CCSER1: variants seen among roughly 807,000 people sequenced by gnomAD.
The protein encoded by CCSER1 is coiled-coil serine rich protein 1.
Under a neutral mutation model 82.0 loss-of-function variants are expected in CCSER1, and 41 were observed. That is an observed-to-expected ratio of 0.50 (90% confidence interval 0.39 to 0.65). CCSER1 has a LOEUF of 0.65. Ranked by LOEUF, CCSER1 falls within the 30% of genes least tolerant of loss-of-function variation. The pLI, the probability that CCSER1 is intolerant of heterozygous loss-of-function variation, is 0.00. For synonymous variants in CCSER1, 414 were observed against 383.9 expected, an observed-to-expected ratio of 1.08 and a Z score of -0.92; for missense variants, 1,119 against 1,064.2, an observed-to-expected ratio of 1.05 and a Z score of -0.72.
At chr4:90,592,806 C>T (rs1274840451) in intron 5 of CCSER1, among the ~76,000 whole-genome samples, 1 of 152,066 alleles carries the variant, frequency 6.6e-6, no homozygotes, top group Admixed American at 6.6e-5. Context: ...TCTCTCCATA[C>T]TGGGCTATGT....
chr4:90,385,895 T>C (rs1020096287), intron 3 of CCSER1, among the ~76,000 whole-genome samples: 11 of 152,168 alleles, frequency 7.2e-5, no homozygotes, highest in African/African-American at 2.7e-4. Context: ...TAGTCCTTTT[T>C]CAGATGTATC....
intron 10 of CCSER1, among the ~76,000 whole-genome samples, chr4:91,254,949 C>T (rs1740563477): frequency 6.6e-6 from 1 of 152,078 alleles, no homozygotes; most frequent in Admixed American, 6.5e-5. Flanking sequence ...AACCATCATT[C>T]TATTATCTCT....
intron 7 of CCSER1, among the ~76,000 whole-genome samples, chr4:90,757,513 T>G (rs62313011): frequency 6.6e-6 from 1 of 152,038 alleles, no homozygotes; most frequent in Non-Finnish European, 1.5e-5. Context: ...TATTGGGCCT[T>G]GTACAGGAGC....
intron 10 of CCSER1, among the ~76,000 whole-genome samples, chr4:91,224,947 A>G (rs1249077059): frequency 6.6e-6 from 1 of 151,648 alleles, no homozygotes; most frequent in Non-Finnish European, 1.5e-5. Flanking sequence ...AATATTAAAT[A>G]TCTGCAAATT....
At chr4:90,534,168 T>C (rs938132635) in intron 5 of CCSER1, among the ~76,000 whole-genome samples, 10 of 152,218 alleles carry the variant, frequency 6.6e-5, no homozygotes, top group African/African-American at 1.9e-4. Flanking sequence ...CTCGCTCTGT[T>C]GCCCAGGCTG....
chr4:91,093,182 T>C (rs974891237), intron 10 of CCSER1, among the ~76,000 whole-genome samples: 1 of 152,164 alleles, frequency 6.6e-6, no homozygotes, highest in African/African-American at 2.4e-5. Flanking sequence ...TTCAATAACA[T>C]CATCCAAAGT....
chr4:91,505,450 G>A (rs1397713471), intron 10 of CCSER1, among the ~76,000 whole-genome samples: 1 of 152,166 alleles, frequency 6.6e-6, no homozygotes, highest in Admixed American at 6.5e-5. Context: ...ATTCCTTTGG[G>A]TATATACCCA....
intron 1 of CCSER1, among the ~76,000 whole-genome samples, chr4:90,236,955 G>A (rs1157692302): frequency 2.0e-5 from 3 of 152,050 alleles, no homozygotes; most frequent in Non-Finnish European, 4.4e-5. Context: ...AGAAAAATGT[G>A]TTAGTATATG....
chr4:91,444,596 CCCA>C (rs1755432627), intron 10 of CCSER1, among the ~76,000 whole-genome samples: 1 of 151,852 alleles, frequency 6.6e-6, no homozygotes, highest in Non-Finnish European at 1.5e-5. Context: ...ATTACAGGCG[CCCA>C]CCACCACACC....
chr4:90,699,450 G>A lies in CCSER1; in HGVS notation c.1933-24464G>A, dbSNP rs141378144. Among the ~76,000 whole-genome samples the A allele has an allele frequency of 4.1e-3, 624 of 152,260 alleles. 2 individuals carry two copies. The highest frequency in any genetic ancestry group is 7.5e-3 in the Non-Finnish European group (507 of 68,024). On this transcript the variant is annotated intron_variant, in intron 6 of 10. Coordinates refer to ENST00000509176, the MANE Select transcript of CCSER1 (RefSeq NM_001145065.2). Reference sequence around the variant, plus strand: ...ATGTTAATGGGCAGTTGAATCAATTGAATTTATACTTCCCTGTGCTAGGGT... The same window carrying A: ...ATGTTAATGGGCAGTTGAATCAATTAAATTTATACTTCCCTGTGCTAGGGT...
At chr4:90,532,866 A>G (rs537976512) in intron 5 of CCSER1, among the ~76,000 whole-genome samples, 2 of 152,130 alleles carry the variant, frequency 1.3e-5, no homozygotes, top group East Asian at 1.9e-4. Flanking sequence ...CCAAGTATCT[A>G]TCTTGGCTTT....
chr4:90,326,588 T>C (rs1490332990), intron 3 of CCSER1, among the ~76,000 whole-genome samples: 1 of 152,208 alleles, frequency 6.6e-6, no homozygotes, highest in Non-Finnish European at 1.5e-5. Flanking sequence ...TATACATTTG[T>C]AATTATATAC....
At chr4:90,511,358 C>T (rs190030803) in intron 5 of CCSER1, among the ~76,000 whole-genome samples, 8 of 152,216 alleles carry the variant, frequency 5.3e-5, no homozygotes, top group African/African-American at 9.6e-5. Flanking sequence ...GTGGAGGTTG[C>T]GGTGAGCCGA....
At chr4:91,364,228 C>T (rs1318556222) in intron 10 of CCSER1, among the ~76,000 whole-genome samples, 2 of 151,896 alleles carry the variant, frequency 1.3e-5, no homozygotes, top group Admixed American at 6.6e-5. Context: ...AGCTCCTTGT[C>T]TTCAGTTCAA....
chr4:91,280,253 T>A (rs977098207), intron 10 of CCSER1, among the ~76,000 whole-genome samples: 1 of 152,184 alleles, frequency 6.6e-6, no homozygotes, highest in African/African-American at 2.4e-5. Context: ...GTGCTGGTAG[T>A]GACAACAATG....
At chr4:91,100,545 A>C (rs1218637837) in intron 10 of CCSER1, among the ~76,000 whole-genome samples, 2 of 152,214 alleles carry the variant, frequency 1.3e-5, no homozygotes, top group Non-Finnish European at 2.9e-5. Context: ...TTACATTCCA[A>C]ATCGGTTCTG....
rs1218897167 is a variant in CCSER1, at chr4:91,604,432, G to A, written c.*5375G>A. On this transcript the variant is annotated 3_prime_UTR_variant, in exon 11 of 11. Transcript: ENST00000509176. ...TTAATAAATACAGAATTTTCAGAGG[G>A]CATCTCTTCTATTTCAAGGTTACCT... 2.6e-5 allele frequency: 4 copies of A among 151,922 alleles called. No homozygotes were observed. Among genetic ancestry groups the A allele is most frequent in the Admixed American group, 2.0e-4 (3 of 15,236 alleles). The allele number at this position is 151,922 out of a possible 1,614,324, so 9.4% of individuals were successfully genotyped here. A position where few individuals can be genotyped will look rare whatever the true frequency, so the allele number is the denominator to read the frequency against.
At chr4:91,358,333 A>T (rs886662844) in intron 10 of CCSER1, among the ~76,000 whole-genome samples, 4 of 132,646 alleles carry the variant, frequency 3.0e-5, no homozygotes, top group Admixed American at 2.3e-4. Flanking sequence ...TCTTTCTTGA[A>T]TTTTTTTTTT....
intron 8 of CCSER1, among the ~76,000 whole-genome samples, chr4:90,880,671 G>A (rs1447714034): frequency 6.6e-6 from 1 of 152,170 alleles, no homozygotes; most frequent in Non-Finnish European, 1.5e-5. Context: ...CAGTCCCAGA[G>A]GAACTGTCTG....
Sources: gnomAD v4.1 joint callset for allele counts (sites outside exome capture counted in the v4.1 genomes callset) on GRCh38, gnomAD v4.1.1 for gene constraint, MANE v1.5 for transcripts, NCBI Gene and HGNC (gene_info 2026-07-23, HGNC 2026-07-21) for gene names.